Variants in SOX5 observed in about 807,000 individuals in gnomAD.
SOX5 encodes the protein SRY-box transcription factor 5, also known as transcription factor SOX-5.
In SOX5, 9 loss-of-function variants were observed where a neutral mutation model predicts 92.0. That is an observed-to-expected ratio of 0.10 (90% CI 0.06 to 0.17). The LOEUF is 0.17. Among genes scored for constraint, SOX5 ranks in the 10% least tolerant of loss-of-function variants. SOX5 has a pLI of 1.00. For synonymous variants in SOX5, 344 were observed against 336.3 expected, an observed-to-expected ratio of 1.02 and a Z score of -0.25; for missense variants, 642 against 944.5, an observed-to-expected ratio of 0.68 and a Z score of 4.20.
At chr12:23,886,736 A>C (rs1445169181) in intron 2 of SOX5, among the ~76,000 whole-genome samples, 1 of 152,198 alleles carries the variant, frequency 6.6e-6, no homozygotes. Context: ...AAATTAAAAA[A>C]GAAATAAATT....
At chr12:23,686,499 C>T (rs1017900431) in intron 6 of SOX5, among the ~76,000 whole-genome samples, 1 of 152,120 alleles carries the variant, frequency 6.6e-6, no homozygotes, top group African/African-American at 2.4e-5. Context: ...TGCCAATTGG[C>T]GACTCTCTAA....
chr12:24,461,262 T>TTTAG (rs1555305632), intron 1 of SOX5, among the ~76,000 whole-genome samples: 10 of 152,166 alleles, frequency 6.6e-5, no homozygotes, highest in Non-Finnish European at 1.3e-4. Flanking sequence ...AAGCTGGTCA[T>TTTAG]TTAAGTCAGA....
chr12:24,140,808 T>TA (rs1950517956), intron 4 of SOX5, among the ~76,000 whole-genome samples: 1 of 152,112 alleles, frequency 6.6e-6, no homozygotes, highest in Non-Finnish European at 1.5e-5. Flanking sequence ...TCCATAGATA[T>TA]AACGACAAAA....
intron 2 of SOX5, among the ~76,000 whole-genome samples, chr12:24,311,339 G>A (rs1298630466): frequency 1.3e-5 from 2 of 152,096 alleles, no homozygotes; most frequent in South Asian, 4.1e-4. Context: ...CATTTCTGAA[G>A]GTTCATTAAA....
intron 1 of SOX5, among the ~76,000 whole-genome samples, chr12:23,947,304 A>T (rs1301780990): frequency 1.3e-5 from 2 of 151,944 alleles, no homozygotes; most frequent in Non-Finnish European, 2.9e-5. Flanking sequence ...ATTAACAGTC[A>T]ATAGAAATGA....
At chr12:24,302,262 C>T (rs1948058057) in intron 2 of SOX5, among the ~76,000 whole-genome samples, 1 of 152,034 alleles carries the variant, frequency 6.6e-6, no homozygotes, top group Admixed American at 6.6e-5. Flanking sequence ...GGGTATTATT[C>T]AATTAAAAGA....
At chr12:23,717,337 G>T (rs183352109) in intron 6 of SOX5, among the ~76,000 whole-genome samples, 1 of 152,226 alleles carries the variant, frequency 6.6e-6, no homozygotes, top group Non-Finnish European at 1.5e-5. Context: ...AATGAATTGT[G>T]ACTTTATTCA....
intron 1 of SOX5, among the ~76,000 whole-genome samples, chr12:24,479,496 A>AT: frequency 6.6e-6 from 1 of 152,342 alleles, no homozygotes; most frequent in East Asian, 1.9e-4. Context: ...GAGAGGTTAA[A>AT]TAACTCACCT....
intron 2 of SOX5, among the ~76,000 whole-genome samples, chr12:24,300,096 C>A (rs577383372): frequency 1.4e-4 from 22 of 152,272 alleles, no homozygotes; most frequent in Admixed American, 5.9e-4. Flanking sequence ...CTTTCATGAA[C>A]AATTTAAATG....
At chr12:24,051,276 A>C (rs1162549407) in intron 4 of SOX5, among the ~76,000 whole-genome samples, 1 of 152,172 alleles carries the variant, frequency 6.6e-6, no homozygotes, top group Non-Finnish European at 1.5e-5. Flanking sequence ...AACAGTTCCA[A>C]AATTTTACAA....
intron 7 of SOX5, among the ~76,000 whole-genome samples, chr12:23,642,246 C>T (rs1312120672): frequency 6.6e-6 from 1 of 152,068 alleles, no homozygotes; most frequent in Non-Finnish European, 1.5e-5. Flanking sequence ...ATTTTTTAGG[C>T]TTCAAAATAC....
chr12:23,679,978 AAAG>A (rs2086317788), intron 6 of SOX5, among the ~76,000 whole-genome samples: 1 of 151,946 alleles, frequency 6.6e-6, no homozygotes, highest in Admixed American at 6.6e-5. Context: ...AAAAAACTTG[AAAG>A]AAGTTCAGGA....
chr12:23,950,604 G>C (rs544576469), upstream of SOX5, among the ~76,000 whole-genome samples: 1 of 152,306 alleles, frequency 6.6e-6, no homozygotes, highest in South Asian at 2.1e-4. Context: ...CTAACAAACT[G>C]TCCTGTTTGG....
intron 4 of SOX5, among the ~76,000 whole-genome samples, chr12:24,135,525 T>C (rs1950037087): frequency 6.6e-6 from 1 of 152,218 alleles, no homozygotes; most frequent in Admixed American, 6.5e-5. Flanking sequence ...TGCACTGGCG[T>C]TCTGTGAAAG....
At chr12:23,974,000 G>T (rs1371184952) in intron 4 of SOX5, among the ~76,000 whole-genome samples, 1 of 152,280 alleles carries the variant, frequency 6.6e-6, no homozygotes, top group East Asian at 1.9e-4. Flanking sequence ...TGCCAAAAAG[G>T]TTGGGGACTG....
At chr12:24,351,624 T>G in intron 2 of SOX5, among the ~76,000 whole-genome samples, 1 of 152,188 alleles carries the variant, frequency 6.6e-6, no homozygotes, top group East Asian at 1.9e-4. Context: ...TAATGTCAAC[T>G]GAATGAACAC....
At chr12:24,500,650 A>G (rs1249366642) in intron 1 of SOX5, among the ~76,000 whole-genome samples, 1 of 152,170 alleles carries the variant, frequency 6.6e-6, no homozygotes, top group Non-Finnish European at 1.5e-5. Context: ...TACTTTCCCA[A>G]CATTGAAGAA....
intron 2 of SOX5, among the ~76,000 whole-genome samples, chr12:24,344,680 GCTTGGGTGGTCT>G (rs1163456213): frequency 6.6e-6 from 1 of 152,180 alleles, no homozygotes; most frequent in Admixed American, 6.5e-5. Context: ...AAAGGGATGT[GCTTGGGTGGTCT>G]CTTGTGAGAG....
chr12:24,220,943 A>G (rs920020198), intron 3 of SOX5, among the ~76,000 whole-genome samples: 5 of 146,246 alleles, frequency 3.4e-5, no homozygotes, highest in Non-Finnish European at 1.5e-5. Flanking sequence ...CGTGTTAGAC[A>G]CCTTATCTAC....
Sources: gnomAD v4.1 joint callset for allele counts (sites outside exome capture counted in the v4.1 genomes callset) on GRCh38, gnomAD v4.1.1 for gene constraint, MANE v1.5 for transcripts, NCBI Gene and HGNC (gene_info 2026-07-23, HGNC 2026-07-21) for gene names.